CUX1: variants seen among roughly 807,000 people sequenced by gnomAD.
CUX1 encodes the protein protein CASP.
A neutral mutation model predicts 158.8 loss-of-function variants in CUX1; 31 were observed. The ratio of observed to expected loss-of-function variants is 0.20; its 90% CI spans 0.15 to 0.26. The LOEUF is 0.26. Ranked by LOEUF, CUX1 falls within the 10% of genes least tolerant of loss-of-function variation. CUX1 has a pLI of 1.00. For synonymous variants in CUX1, 879 were observed against 862.1 expected (o/e 1.02, Z -0.34); for missense variants, 1,589 against 2,014.6 (o/e 0.79, Z 4.04).
intron 9 of CUX1, among the ~76,000 whole-genome samples, chr7:102,165,587 A>G (rs572630009): frequency 1.3e-5 from 2 of 151,954 alleles, no homozygotes; most frequent in South Asian, 4.2e-4. Flanking sequence ...CTGGTCTCAA[A>G]CCCCTGACCT....
chr7:101,833,459 G>A (rs1195040147), intron 1 of CUX1, among the ~76,000 whole-genome samples: 1 of 150,774 alleles, frequency 6.6e-6, no homozygotes, highest in Non-Finnish European at 1.5e-5. Context: ...GGAGGCTGAG[G>A]CAGGAGGATC....
At chr7:101,989,284 A>G (rs1814773873) in intron 2 of CUX1, among the ~76,000 whole-genome samples, 1 of 152,054 alleles carries the variant, frequency 6.6e-6, no homozygotes, top group African/African-American at 2.4e-5. Flanking sequence ...CCCCAATGGC[A>G]CCTCGCCTGG....
chr7:102,160,724 G>T (rs1790338992), intron 9 of CUX1, among the ~76,000 whole-genome samples: 1 of 152,112 alleles, frequency 6.6e-6, no homozygotes, highest in African/African-American at 2.4e-5. Flanking sequence ...CCTGTATGAA[G>T]TATCTAGAGG....
Position 101,913,288 on chromosome 7 carries a change from G to A in CUX1, c.31-2827G>A, listed in dbSNP as rs536490102. 476 of 1,031,784 alleles carry A rather than the reference G, an allele frequency of 4.6e-4. 8 individuals are homozygous for A. The South Asian group carries it at 6.3e-3, about 14-fold the overall frequency. The allele number at this position is 1,031,784 out of a possible 1,614,324, so 63.9% of individuals were successfully genotyped here. A position where few individuals can be genotyped will look rare whatever the true frequency, so the allele number is the denominator to read the frequency against. ...TTCTGTGGTGGCGGGTGGCGGCTCG[G>A]TGTTAAATTTGGAGACCCCCGTGGG... On this transcript the variant is annotated intron_variant, in intron 1 of 23. Coordinates refer to ENST00000292535, the MANE Select transcript of CUX1 (RefSeq NM_181552.4).
intron 23 of CUX1, among the ~76,000 whole-genome samples, chr7:102,243,632 A>AAATAAT (rs3077412): frequency 0.26 from 33,551 of 130,458 alleles, 4,535 homozygotes; most frequent in East Asian, 0.31. Context: ...TCTCTACAGA[A>AAATAAT]AATAATAATA....
chr7:102,205,700 C>G (rs1795877080), intron 20 of CUX1, among the ~76,000 whole-genome samples: 1 of 152,144 alleles, frequency 6.6e-6, no homozygotes, highest in Non-Finnish European at 1.5e-5. Flanking sequence ...GGACTGAGAT[C>G]TGAGCCTGGG....
At chr7:101,969,359 CAAA>C (rs10711703) in intron 2 of CUX1, among the ~76,000 whole-genome samples, 5 of 56,114 alleles carry the variant, frequency 8.9e-5, no homozygotes, top group African/African-American at 1.5e-4. Flanking sequence ...CAAAAAACAG[CAAA>C]AAAAAAAAAA....
At chr7:101,983,365 C>G (rs998618417) in intron 2 of CUX1, among the ~76,000 whole-genome samples, 1 of 152,182 alleles carries the variant, frequency 6.6e-6, no homozygotes, top group African/African-American at 2.4e-5. Flanking sequence ...TTCTCTAACA[C>G]CCCTCCCATC....
intron 2 of CUX1, among the ~76,000 whole-genome samples, chr7:101,948,151 AG>A (rs1364280054): frequency 2.0e-5 from 3 of 152,228 alleles, no homozygotes; most frequent in Non-Finnish European, 4.4e-5. Context: ...TCACATTGTC[AG>A]TAATGCCCAC....
At chr7:102,131,998 C>T (rs1357986925) in intron 8 of CUX1, among the ~76,000 whole-genome samples, 2 of 151,812 alleles carry the variant, frequency 1.3e-5, no homozygotes, top group Non-Finnish European at 2.9e-5. Flanking sequence ...TTAAATGTGA[C>T]CAGAAAGAAA....
At chr7:101,923,008 G>A (rs1426254423) in intron 2 of CUX1, among the ~76,000 whole-genome samples, 1 of 152,258 alleles carries the variant, frequency 6.6e-6, no homozygotes, top group Non-Finnish European at 1.5e-5. Context: ...GCTTTTCCAT[G>A]GCTTTGATCG....
Position 102,252,101 on chromosome 7 carries a change from T to A in CUX1, c.*3059T>A, listed in dbSNP as rs1305240034. ...TAAATTTTGCTTGCAGTTCTGTGTA[T>A]TTTTTTTCCTCTATTATTTATTTTT... On this transcript the variant is annotated 3_prime_UTR_variant, in exon 24 of 24. Coordinates refer to ENST00000292535, the MANE Select transcript of CUX1 (RefSeq NM_181552.4). 1.0e-5 allele frequency: 10 copies of A among 983,908 alleles called. No individual in the cohort carries two copies. In the Admixed American group the frequency reaches 6.2e-4, roughly 61 times the overall value. 60.9% of individuals were successfully genotyped at this position (983,908 alleles called of 1,614,324 possible). A position where few individuals can be genotyped will look rare whatever the true frequency, so the allele number is the denominator to read the frequency against.
chr7:102,260,389 C>T (rs1586482810), downstream of CUX1, among the ~76,000 whole-genome samples: 21 of 3,010 alleles, frequency 7.0e-3, no homozygotes, highest in Non-Finnish European at 0.016. Flanking sequence ...GCGCCCGGCC[C>T]CTTATTTGTT....
rs1554537628 is a variant in CUX1, at chr7:102,248,240, G to A, written c.3888-172G>A. On this transcript the variant is annotated intron_variant, in intron 23 of 23. Transcript: ENST00000292535. The surrounding 1 kb of genome is among the most constrained non-coding windows in gnomAD (Gnocchi z 5.8). ...CTGGCCAGGCCCGGAGGGGTGGGTGGTGACTCTGGAGAGGGGCTGCCCCGT... is the reference window on the plus strand; with the variant it reads ...CTGGCCAGGCCCGGAGGGGTGGGTGATGACTCTGGAGAGGGGCTGCCCCGT... Among the ~76,000 whole-genome samples the A allele has an allele frequency of 6.6e-6, 1 of 152,212 alleles. No individual in the cohort carries two copies. The highest frequency in any genetic ancestry group is 2.4e-5 in the African/African-American group (1 of 41,460).
intron 3 of CUX1, among the ~76,000 whole-genome samples, chr7:102,069,989 C>T (rs1422763317): frequency 6.6e-6 from 1 of 152,124 alleles, no homozygotes. Context: ...CTCTTCCCAC[C>T]CACCTCTGAT....
chr7:101,966,841 G>A (rs1370868432), intron 2 of CUX1, among the ~76,000 whole-genome samples: 3 of 152,020 alleles, frequency 2.0e-5, no homozygotes, highest in Non-Finnish European at 4.4e-5. Context: ...TGGGCCGAGC[G>A]GACCTGCCAG....
chr7:102,194,847 A>G (rs1554517829), intron 13 of CUX1, among the ~76,000 whole-genome samples: 1 of 151,238 alleles, frequency 6.6e-6, no homozygotes, highest in Non-Finnish European at 1.5e-5. Context: ...ATATGGTGAA[A>G]CCCTATCTCT....
At chr7:102,080,237 C>A (rs1295920381) in intron 4 of CUX1, among the ~76,000 whole-genome samples, 1 of 152,168 alleles carries the variant, frequency 6.6e-6, no homozygotes, top group East Asian at 1.9e-4. Flanking sequence ...CCTCGGTGTG[C>A]TTGCGTGGAG....
At chr7:102,092,060 C>A (rs573485396) in intron 4 of CUX1, among the ~76,000 whole-genome samples, 2 of 152,236 alleles carry the variant, frequency 1.3e-5, no homozygotes, top group Non-Finnish European at 2.9e-5. Flanking sequence ...CCATCTCTGG[C>A]CACTTCTTGA....
Sources: gnomAD v4.1 joint callset for allele counts (sites outside exome capture counted in the v4.1 genomes callset) on GRCh38, gnomAD v4.1.1 for gene constraint, Gnocchi (gnomAD v3.1) non-coding constraint, MANE v1.5 for transcripts, NCBI Gene and HGNC (gene_info 2026-07-23, HGNC 2026-07-21) for gene names.